The following SMARCC1 variants were observed in gnomAD, a reference collection of about 807,000 sequenced individuals.
The protein encoded by SMARCC1 is SWI/SNF complex subunit SMARCC1.
SMARCC1 carries 43 observed loss-of-function variants against 147.4 expected under a neutral mutation model. The ratio of observed to expected loss-of-function variants is 0.29; its 90% CI spans 0.23 to 0.38. The LOEUF is 0.38. Among genes scored for constraint, SMARCC1 ranks in the 10% least tolerant of loss-of-function variants. SMARCC1 has a pLI of 1.00. For missense variants in SMARCC1, 1,119 were observed against 1,381.1 expected (o/e 0.81, Z 3.01); for synonymous variants, 495 against 484.4 (o/e 1.02, Z -0.29).
At chr3:47,685,837 A>T (rs181706842) in intron 14 of SMARCC1, among the ~76,000 whole-genome samples, 1 of 152,178 alleles carries the variant, frequency 6.6e-6, no homozygotes, top group African/African-American at 2.4e-5. Context: ...AGCCAGGGTG[A>T]CAAAGCAAGA....
intron 26 of SMARCC1, among the ~76,000 whole-genome samples, chr3:47,592,014 A>T (rs1310546928): frequency 6.6e-6 from 1 of 152,216 alleles, no homozygotes; most frequent in Non-Finnish European, 1.5e-5. Flanking sequence ...ACTGTATGAA[A>T]CTGAATATAG....
At chr3:47,624,705 G>C (rs896128667) in intron 24 of SMARCC1, among the ~76,000 whole-genome samples, 11 of 152,088 alleles carry the variant, frequency 7.2e-5, no homozygotes, top group Non-Finnish European at 1.5e-4. Flanking sequence ...AAAAGTCACA[G>C]ACCAAACCTA....
chr3:47,661,538 A>G lies in SMARCC1; in HGVS notation c.2159-83T>C, dbSNP rs1294611957. On this transcript the variant is annotated intron_variant, in intron 20 of 27. Coordinates refer to ENST00000254480, the MANE Select transcript of SMARCC1 (RefSeq NM_003074.4). ...TGTAAAACCACCACCAGGAAACCCA[A>G]CACAGTATTATTGTCTTAGGTGTAG... 2.7e-6 allele frequency: 3 copies of G among 1,104,544 alleles called. No homozygotes were observed. The Admixed American group carries it at 6.1e-5, about 23-fold the overall frequency. 68.4% of individuals were successfully genotyped at this position (1,104,544 alleles called of 1,614,324 possible).
intron 26 of SMARCC1, among the ~76,000 whole-genome samples, chr3:47,591,691 C>A (rs939903379): frequency 6.6e-6 from 1 of 151,930 alleles, no homozygotes; most frequent in African/African-American, 2.4e-5. Flanking sequence ...TACAGGTGCC[C>A]ACCACCACGC....
chr3:47,780,011 T>G (rs985481994), intron 1 of SMARCC1, among the ~76,000 whole-genome samples: 2 of 152,174 alleles, frequency 1.3e-5, no homozygotes. Context: ...ATCTACAGTC[T>G]AAATGTAATT....
chr3:47,642,249 G>T (rs1043911774), intron 21 of SMARCC1, among the ~76,000 whole-genome samples: 1 of 152,172 alleles, frequency 6.6e-6, no homozygotes, highest in Admixed American at 6.5e-5. Context: ...AGCAAGTCAG[G>T]AAGAGTTGCT....
chr3:47,704,063 G>C (rs903717160), intron 10 of SMARCC1, among the ~76,000 whole-genome samples: 1 of 152,116 alleles, frequency 6.6e-6, no homozygotes, highest in African/African-American at 2.4e-5. Context: ...CTCCCAAAGT[G>C]CTGGGATTAC....
intron 8 of SMARCC1, among the ~76,000 whole-genome samples, chr3:47,712,545 A>AT (rs1488911718): frequency 6.6e-6 from 1 of 152,200 alleles, no homozygotes; most frequent in Non-Finnish European, 1.5e-5. Flanking sequence ...GTCAGGCACT[A>AT]TGCTGAACAT....
At chr3:47,597,275 A>C (rs2032300112) in intron 26 of SMARCC1, among the ~76,000 whole-genome samples, 1 of 152,158 alleles carries the variant, frequency 6.6e-6, no homozygotes, top group African/African-American at 2.4e-5. Context: ...CCCCGCCTCA[A>C]CTTCCTGAGT....
intron 1 of SMARCC1, among the ~76,000 whole-genome samples, chr3:47,779,070 T>C (rs2035012366): frequency 6.6e-6 from 1 of 151,734 alleles, no homozygotes; most frequent in South Asian, 2.1e-4. Flanking sequence ...CATTTAGGAC[T>C]GCTATGAGGA....
At chr3:47,659,644 G>A (rs1187797171) in intron 21 of SMARCC1, among the ~76,000 whole-genome samples, 2 of 151,214 alleles carry the variant, frequency 1.3e-5, no homozygotes, top group African/African-American at 4.9e-5. Context: ...TTGATCGTGG[G>A]GAAAACTGTG....
intron 3 of SMARCC1, among the ~76,000 whole-genome samples, chr3:47,739,082 T>C (rs989206979): frequency 6.6e-6 from 1 of 152,228 alleles, no homozygotes; most frequent in African/African-American, 2.4e-5. Context: ...ATACCTACTT[T>C]GTTTTTGCTC....
chr3:47,751,869 G>A (rs573247979), intron 2 of SMARCC1, among the ~76,000 whole-genome samples: 15 of 152,030 alleles, frequency 9.9e-5, no homozygotes, highest in South Asian at 2.1e-4. Flanking sequence ...GGATCACGAG[G>A]TCAGGAGTTC....
chr3:47,606,610 T>C (rs534419405), intron 26 of SMARCC1, among the ~76,000 whole-genome samples: 1 of 152,340 alleles, frequency 6.6e-6, no homozygotes, highest in South Asian at 2.1e-4. Context: ...AATATGATGC[T>C]TTAGCACCAT....
chr3:47,680,490 C>A lies in SMARCC1; in HGVS notation c.1404G>T (p.Arg468=). 1 of 1,604,010 alleles carries A rather than the reference C, an allele frequency of 6.2e-7. No individual in the cohort carries two copies. Among genetic ancestry groups the A allele is most frequent in the Non-Finnish European group, 8.5e-7 (1 of 1,174,558 alleles). The change falls in exon 15 of 28, where the codon CGG becomes CGT. Residue 468 remains arginine, a synonymous_variant. Transcript: ENST00000254480. The stretch of plus-strand genomic sequence containing the variant: ...CATTGAAGAACTCAGGAAGAGCACG[C>A]CGTTCAATCACATGAATACTGAAAA... ...FDYNCIHVIE[R]RALPEFFNGK...
intron 2 of SMARCC1, among the ~76,000 whole-genome samples, chr3:47,756,362 C>T (rs895969611): frequency 1.3e-5 from 2 of 151,490 alleles, no homozygotes; most frequent in African/African-American, 2.4e-5. Flanking sequence ...GGAGAAACCC[C>T]GTCTCTACTA....
chr3:47,763,984 G>C (rs757743031), intron 2 of SMARCC1, among the ~76,000 whole-genome samples: 4 of 151,632 alleles, frequency 2.6e-5, no homozygotes, highest in Non-Finnish European at 5.9e-5. Context: ...CACCCAAAAT[G>C]CTAAGATTAT....
chr3:47,684,783 G>A (rs1393749803), intron 14 of SMARCC1, among the ~76,000 whole-genome samples: 1 of 152,008 alleles, frequency 6.6e-6, no homozygotes, highest in Non-Finnish European at 1.5e-5. Flanking sequence ...CATATCTGTG[G>A]AGTTTGTGTT....
At chr3:47,675,685 C>A in intron 17 of SMARCC1, 97 bp from the exon 18 acceptor site, 1 of 631,880 alleles carries the variant, frequency 1.6e-6, no homozygotes, top group Non-Finnish European at 2.9e-6. Context: ...CCGTGGCTCA[C>A]ACCTATAATC....
Sources: gnomAD v4.1 joint callset for allele counts (sites outside exome capture counted in the v4.1 genomes callset) on GRCh38, gnomAD v4.1.1 for gene constraint, MANE v1.5 for transcripts, NCBI Gene and HGNC (gene_info 2026-07-23, HGNC 2026-07-21) for gene names.